ROR1: variants seen among roughly 807,000 people sequenced by gnomAD.
ROR1 encodes the protein ROR family WNT receptor 1, also known as inactive tyrosine-protein kinase transmembrane receptor ROR1.
ROR1 carries 19 observed loss-of-function variants against 78.8 expected under a neutral mutation model. The ratio of observed to expected loss-of-function variants is 0.24; its 90% CI spans 0.17 to 0.35. ROR1 has a LOEUF of 0.35. Ranked by LOEUF, ROR1 falls within the 10% of genes least tolerant of loss-of-function variation. The probability of loss-of-function intolerance (pLI) is 1.00; values close to 1 mark genes in which losing one functional copy is unlikely to be tolerated. For missense variants in ROR1, 917 were observed against 1,177.8 expected (o/e 0.78, Z 3.24); for synonymous variants, 386 against 433.6 (o/e 0.89, Z 1.36).
At chr1:63,959,064 T>C (rs1646006487) in intron 1 of ROR1, among the ~76,000 whole-genome samples, 1 of 152,202 alleles carries the variant, frequency 6.6e-6, no homozygotes, top group Non-Finnish European at 1.5e-5. Context: ...AGAGATTTAA[T>C]TGACTCACAG....
chr1:64,171,512 ATTC>A (rs1207802098), intron 8 of ROR1, among the ~76,000 whole-genome samples: 1 of 152,224 alleles, frequency 6.6e-6, no homozygotes, highest in Non-Finnish European at 1.5e-5. Context: ...GAAACCTGCT[ATTC>A]TTCTGTAGAC....
intron 1 of ROR1, among the ~76,000 whole-genome samples, chr1:63,851,136 C>T (rs757985877): frequency 5.9e-5 from 9 of 152,116 alleles, no homozygotes; most frequent in South Asian, 4.2e-4. Context: ...TGTGCCACCA[C>T]GCCCAGCTAT....
intron 2 of ROR1, among the ~76,000 whole-genome samples, chr1:64,019,193 T>C (rs555432912): frequency 6.6e-6 from 1 of 152,334 alleles, no homozygotes; most frequent in East Asian, 1.9e-4. Context: ...TAACCTGCCT[T>C]GTAGTTTGAC....
intron 4 of ROR1, 45 bp downstream of exon 4, chr1:64,050,761 C>T (rs371679385): frequency 7.9e-5 from 127 of 1,599,022 alleles, no homozygotes; most frequent in South Asian, 4.6e-4. Context: ...AGTGTTTCTC[C>T]GTGGTTTTCT....
chr1:64,047,434 A>G (rs1420000151), intron 2 of ROR1, among the ~76,000 whole-genome samples: 1 of 152,182 alleles, frequency 6.6e-6, no homozygotes, highest in Non-Finnish European at 1.5e-5. Flanking sequence ...AAACTGAGGT[A>G]CAAAGAGGTT....
At chr1:64,039,213 G>A (rs59324760) in intron 2 of ROR1, among the ~76,000 whole-genome samples, 3,952 of 152,300 alleles carry the variant, frequency 0.026, 170 homozygotes, top group African/African-American at 0.091. Flanking sequence ...AATGGCTTGT[G>A]TGCCCTTTTG....
chr1:63,863,733 A>G (rs1015912586), intron 1 of ROR1, among the ~76,000 whole-genome samples: 4 of 132,042 alleles, frequency 3.0e-5, no homozygotes, highest in Non-Finnish European at 4.8e-5. Flanking sequence ...ATTGTATTGT[A>G]TTGTATTGTA....
intron 1 of ROR1, among the ~76,000 whole-genome samples, chr1:63,921,567 A>T (rs1645654713): frequency 6.6e-6 from 1 of 151,954 alleles, no homozygotes; most frequent in Admixed American, 6.6e-5. Flanking sequence ...AGAGCTTGGA[A>T]CCTTAAGGCC....
chr1:64,086,001 C>T (rs894382883), intron 4 of ROR1, among the ~76,000 whole-genome samples: 15 of 152,136 alleles, frequency 9.9e-5, no homozygotes, highest in Admixed American at 5.2e-4. Context: ...CCCTGGATGC[C>T]GTTATTAGTC....
At chr1:63,879,212 A>G (rs1294642502) in intron 1 of ROR1, among the ~76,000 whole-genome samples, 1 of 152,166 alleles carries the variant, frequency 6.6e-6, no homozygotes, top group African/African-American at 2.4e-5. Context: ...ATCTGCTGAG[A>G]GGAAGCTCAT....
rs17125756 is a variant in ROR1 at position 63,893,333 on chromosome 1, C to T, written c.92-115972C>T. The stretch of plus-strand genomic sequence containing the variant: ...CCCTGTTTCTCCAGCTCTCTGCTTA[C>T]ATCATGTGGGAGAGGAGCAGCAGCC... On this transcript the variant is annotated intron_variant, in intron 1 of 8. Transcript: ENST00000371079. Among the ~76,000 whole-genome samples the T allele has an allele frequency of 8.5e-3, 1,288 of 152,162 alleles. 16 individuals carry two copies. The highest frequency in any genetic ancestry group is 0.029 in the African/African-American group (1,213 of 41,520).
chr1:64,176,843 G>C (rs909286058), intron 8 of ROR1, among the ~76,000 whole-genome samples: 2 of 152,252 alleles, frequency 1.3e-5, no homozygotes, highest in Non-Finnish European at 1.5e-5. Flanking sequence ...AAGAATGGCA[G>C]AACATTGGAG....
intron 1 of ROR1, among the ~76,000 whole-genome samples, chr1:63,801,484 G>A (rs983430041): frequency 2.0e-5 from 3 of 151,936 alleles, no homozygotes; most frequent in Non-Finnish European, 2.9e-5. Context: ...TAGTAAAGAC[G>A]GGGTTTCACC....
chr1:63,964,917 T>C (rs766773199), intron 1 of ROR1, among the ~76,000 whole-genome samples: 3 of 152,230 alleles, frequency 2.0e-5, no homozygotes, highest in Non-Finnish European at 4.4e-5. Context: ...GGCCTTAAGA[T>C]GCTTCGCAGT....
intron 1 of ROR1, among the ~76,000 whole-genome samples, chr1:63,834,534 CTTCTG>C (rs1645008511): frequency 1.3e-5 from 2 of 152,144 alleles, no homozygotes; most frequent in African/African-American, 4.8e-5. Flanking sequence ...AATGGCAGCT[CTTCTG>C]TTCTGATGCT....
At chr1:63,962,239 G>A (rs1156721554) in intron 1 of ROR1, among the ~76,000 whole-genome samples, 1 of 152,190 alleles carries the variant, frequency 6.6e-6, no homozygotes, top group Middle Eastern at 3.2e-3. Context: ...CACCTTGGGT[G>A]ACAGAGTGAG....
rs927054330 is a variant in ROR1, at chr1:63,789,159, A to C, written c.91+14651A>C. 1.2e-5 allele frequency: 7 copies of C among 596,484 alleles called. No individual in the cohort carries two copies. In the African/African-American group the frequency reaches 1.3e-4, roughly 11 times the overall value. 36.9% of individuals were successfully genotyped at this position (596,484 alleles called of 1,614,324 possible). On this transcript the variant is annotated intron_variant, in intron 1 of 8. Coordinates refer to ENST00000371079, the MANE Select transcript of ROR1 (RefSeq NM_005012.4). ...GACAGTCATTGGCTTGCGGATCATC[A>C]GCCCATCTTTGATCAGCTTCCAGAT...
At chr1:64,050,377 A>G (rs1257095633) in intron 3 of ROR1, among the ~76,000 whole-genome samples, 3 of 152,154 alleles carry the variant, frequency 2.0e-5, no homozygotes, top group African/African-American at 7.2e-5. Context: ...CAACACCTTC[A>G]TGCAACCACT....
intron 1 of ROR1, among the ~76,000 whole-genome samples, chr1:63,953,816 C>T (rs1260788983): frequency 6.6e-6 from 1 of 152,154 alleles, no homozygotes; most frequent in Non-Finnish European, 1.5e-5. Context: ...TTGAATAGGA[C>T]TTGGGTCCTG....
Sources: gnomAD v4.1 joint callset for allele counts (sites outside exome capture counted in the v4.1 genomes callset) on GRCh38, gnomAD v4.1.1 for gene constraint, MANE v1.5 for transcripts, NCBI Gene and HGNC (gene_info 2026-07-23, HGNC 2026-07-21) for gene names.